Variants in CCDC42 observed in about 807,000 individuals in gnomAD.
The protein encoded by CCDC42 is coiled-coil domain containing 42, also known as coiled-coil domain-containing protein 42.
In CCDC42, 38 loss-of-function variants were observed where a neutral mutation model predicts 40.8. The ratio of observed to expected loss-of-function variants is 0.93; its 90% CI spans 0.72 to 1.22. The LOEUF (loss-of-function observed/expected upper bound fraction) is 1.22. Among genes scored for constraint, CCDC42 ranks in the 50% most tolerant of loss-of-function variants. The pLI, the probability that CCDC42 is intolerant of heterozygous loss-of-function variation, is 0.00. For synonymous variants in CCDC42, 135 were observed against 157.5 expected (o/e 0.86, Z 1.07); for missense variants, 379 against 416.5 (o/e 0.91, Z 0.78).
In CCDC42 at chr17:8,735,388, A is replaced by G; in HGVS notation, c.714+2T>C. Reference sequence around the variant, plus strand: ...GCCCCCGGCCCGCCCCGGGCCCCTCACCCAGAAGATGACATTGCTGCGGGC... The same window carrying G: ...GCCCCCGGCCCGCCCCGGGCCCCTCGCCCAGAAGATGACATTGCTGCGGGC... On this transcript the variant is annotated splice_donor_variant, in intron 5 of 6. Transcript: ENST00000293845. LOFTEE classifies it high-confidence loss of function. This position sits in a 1 kb window ranked among gnomAD's most constrained non-coding sequence, Gnocchi z 4.7. 1 of 1,613,696 alleles carries G rather than the reference A, an allele frequency of 6.2e-7. No homozygotes were observed. The highest frequency in any genetic ancestry group is 8.5e-7 in the Non-Finnish European group (1 of 1,179,974).
rs188163478 is a variant in CCDC42, at chr17:8,732,475, T to C, written c.874-2268A>G. ...CTGTCAGCTGCTGATACTGTTACCATTACCAATATCATTCCCATTTTGCAA... is the reference window on the plus strand; with the variant it reads ...CTGTCAGCTGCTGATACTGTTACCACTACCAATATCATTCCCATTTTGCAA... On this transcript the variant is annotated intron_variant, in intron 6 of 6. Transcript: ENST00000293845. 7.0e-4 allele frequency among the ~76,000 whole-genome samples: 107 copies of C among 152,288 alleles called. 1 individual carries two copies. Among genetic ancestry groups the C allele is most frequent in the African/African-American group, 2.4e-3 (99 of 41,558 alleles).
chr17:8,744,447 C>T lies in CCDC42; in HGVS notation c.83+80G>A, dbSNP rs1024217218. On this transcript the variant is annotated intron_variant, in intron 1 of 6. Coordinates refer to ENST00000293845, the MANE Select transcript of CCDC42 (RefSeq NM_144681.3). ...GGGTTACAGGAGAGGAGGGGACAGA[C>T]GGTTGGAAGATGAGGTATGGGGTGG... 48 of 1,172,714 alleles carry T rather than the reference C, an allele frequency of 4.1e-5. No homozygotes were observed. The African/African-American group carries it at 5.9e-4, about 14-fold the overall frequency. 72.6% of individuals were successfully genotyped at this position (1,172,714 alleles called of 1,614,324 possible).
chr17:8,744,057 C>A, intron 2 of CCDC42, 22 bp downstream of exon 2: 1 of 1,548,252 alleles, frequency 6.5e-7, no homozygotes, highest in South Asian at 1.1e-5. Flanking sequence ...TGCCCCTCTG[C>A]ACTCCATCCC....
chr17:8,737,211 C>G lies in CCDC42; in HGVS notation c.493-1600G>C, dbSNP rs1297588089. Among the ~76,000 whole-genome samples the G allele has an allele frequency of 2.0e-5, 3 of 152,168 alleles. No individual in the cohort carries two copies. The East Asian group carries it at 5.8e-4, about 29-fold the overall frequency. ...TGCATTTCTGAAAGTTCATCTGGCA[C>G]ACAGTGCAACAGTGTACCACAGTTC... is the stretch of plus-strand genomic sequence containing the variant. On this transcript the variant is annotated intron_variant, in intron 4 of 6. Transcript: ENST00000293845.
chr17:8,736,051 A>C (rs900370741), intron 4 of CCDC42, among the ~76,000 whole-genome samples: 1 of 152,214 alleles, frequency 6.6e-6, no homozygotes, highest in Non-Finnish European at 1.5e-5. Context: ...ATGTCTTCCA[A>C]GGCAAGAATT....
chr17:8,732,474 AT>A (rs1597343512), intron 6 of CCDC42, among the ~76,000 whole-genome samples: 1 of 152,320 alleles, frequency 6.6e-6, no homozygotes, highest in East Asian at 1.9e-4. Flanking sequence ...TACTGTTACC[AT>A]TACCAATATC....
rs142545837 is a variant in CCDC42, at chr17:8,739,164, G to A, written c.492+2310C>T. 3.7e-3 allele frequency among the ~76,000 whole-genome samples: 556 copies of A among 152,248 alleles called. 6 individuals carry two copies. The highest frequency in any genetic ancestry group is 0.013 in the African/African-American group (520 of 41,532). On this transcript the variant is annotated intron_variant, in intron 4 of 6. Transcript: ENST00000293845. ...GCTGAACAGGCTGGCCAGGAACGACGCCAGAGTTGAACTCCAGACGAGGTA... is the reference window on the plus strand; with the variant it reads ...GCTGAACAGGCTGGCCAGGAACGACACCAGAGTTGAACTCCAGACGAGGTA...
Position 8,735,114 on chromosome 17 carries a change from G to T in CCDC42, c.855C>A (p.Thr285=). 1.9e-6 allele frequency: 3 copies of T among 1,614,178 alleles called. No individual in the cohort carries two copies. Among genetic ancestry groups the T allele is most frequent in the Non-Finnish European group, 2.5e-6 (3 of 1,180,026 alleles). ...CTCCTACCATGTCCAGCTGCTTGTG[G>T]GTGTCCTCCAGTGCCACCTCAGTCA... is the stretch of plus-strand genomic sequence containing the variant. The part of the protein sequence containing the change: ...KEVTEVALED[T]HKQLDMIQQF... The change falls in exon 6 of 7, where the codon ACC becomes ACA. Residue 285 remains threonine (T), a synonymous_variant. Coordinates refer to ENST00000293845, the MANE Select transcript of CCDC42 (RefSeq NM_144681.3). This position sits in a 1 kb window ranked among gnomAD's most constrained non-coding sequence, Gnocchi z 4.7.
At chr17:8,743,457 G>C (rs2086657073) in intron 3 of CCDC42, among the ~76,000 whole-genome samples, 169 bp downstream of exon 3, 1 of 152,194 alleles carries the variant, frequency 6.6e-6, no homozygotes, top group African/African-American at 2.4e-5. Context: ...AACAGAGACA[G>C]GTGGGGGACA....
At position 8,735,003 on chromosome 17, in the gene CCDC42, C is replaced by G; in HGVS notation, c.873+93G>C. 3.6e-6 allele frequency: 5 copies of G among 1,391,688 alleles called. No homozygotes were observed. The highest frequency in any genetic ancestry group is 4.0e-6 in the Non-Finnish European group (4 of 1,000,222). The allele number at this position is 1,391,688 out of a possible 1,614,324, so 86.2% of individuals were successfully genotyped here. On this transcript the variant is annotated intron_variant, in intron 6 of 6. Transcript: ENST00000293845. The surrounding 1 kb of genome is among the most constrained non-coding windows in gnomAD (Gnocchi z 4.7). ...TTAAATTTTGAGAGTCCCTGCTCTGCTTCTCTGTCAGGTTCATTCTTCCAC... is the reference window on the plus strand; with the variant it reads ...TTAAATTTTGAGAGTCCCTGCTCTGGTTCTCTGTCAGGTTCATTCTTCCAC...
chr17:8,734,336 T>C (rs1568050543), intron 6 of CCDC42, among the ~76,000 whole-genome samples: 2 of 152,358 alleles, frequency 1.3e-5, no homozygotes, highest in East Asian at 1.9e-4. Context: ...AGGTGAAATG[T>C]TGAGAATTGC....
rs1329115944 is a variant in CCDC42 at position 8,744,637 on chromosome 17, G to A, written c.-28C>T. The A allele has an allele frequency of 2.1e-5, 33 of 1,550,646 alleles. No homozygotes were observed. The highest frequency in any genetic ancestry group is 2.9e-5 in the Non-Finnish European group (33 of 1,125,852). On this transcript the variant is annotated 5_prime_UTR_variant, in exon 1 of 7. Transcript: ENST00000293845. ...TGGCAGTGACCTCACGGCCCAGGCA[G>A]CTGACTCTTCACAGTGAAATTGTGG...
chr17:8,735,284 C>A lies in CCDC42; in HGVS notation c.715-30G>T. 1 of 1,613,782 alleles carries A rather than the reference C, an allele frequency of 6.2e-7. No homozygotes were observed. Among genetic ancestry groups the A allele is most frequent in the Non-Finnish European group, 8.5e-7 (1 of 1,179,808 alleles). ...AGAGTGGATAAGGACGGGGCATGAGCACAGCATGTGGTGTGTGTGTGTTTG... is the reference window on the plus strand; with the variant it reads ...AGAGTGGATAAGGACGGGGCATGAGAACAGCATGTGGTGTGTGTGTGTTTG... On this transcript the variant is annotated intron_variant, in intron 5 of 6. Coordinates refer to ENST00000293845, the MANE Select transcript of CCDC42 (RefSeq NM_144681.3). This position sits in a 1 kb window ranked among gnomAD's most constrained non-coding sequence, Gnocchi z 4.7.
Position 8,735,293 on chromosome 17 carries a change from T to C in CCDC42, c.715-39A>G. 2 of 1,613,026 alleles carry C rather than the reference T, an allele frequency of 1.2e-6. No homozygotes were observed. The highest frequency in any genetic ancestry group is 1.7e-6 in the Non-Finnish European group (2 of 1,179,272). On this transcript the variant is annotated intron_variant, in intron 5 of 6. Transcript: ENST00000293845. The surrounding 1 kb of genome is among the most constrained non-coding windows in gnomAD (Gnocchi z 4.7). Reference sequence around the variant, plus strand: ...AAGGACGGGGCATGAGCACAGCATGTGGTGTGTGTGTGTTTGTGTGTATGT... The same window carrying C: ...AAGGACGGGGCATGAGCACAGCATGCGGTGTGTGTGTGTTTGTGTGTATGT...
intron 4 of CCDC42, among the ~76,000 whole-genome samples, chr17:8,736,629 G>A (rs2086612917): frequency 6.6e-6 from 1 of 152,194 alleles, no homozygotes; most frequent in Admixed American, 6.5e-5. Flanking sequence ...GAACTGCCCT[G>A]CTGGCCTTTC....
chr17:8,732,334 T>G (rs2086586515), intron 6 of CCDC42, among the ~76,000 whole-genome samples: 1 of 132,672 alleles, frequency 7.5e-6, no homozygotes, highest in Non-Finnish European at 1.7e-5. Context: ...CCTGCTCGTG[T>G]ACTCCTGAAC....
chr17:8,733,026 A>G (rs1197416267), intron 6 of CCDC42, among the ~76,000 whole-genome samples: 1 of 152,160 alleles, frequency 6.6e-6, no homozygotes, highest in Non-Finnish European at 1.5e-5. Context: ...TACAGTGTCA[A>G]TGAAGCCTCA....
chr17:8,735,703 C>T lies in CCDC42; in HGVS notation c.493-92G>A, dbSNP rs1035844091. 288 of 1,028,750 alleles carry T rather than the reference C, an allele frequency of 2.8e-4. 1 individual carries two copies. The highest frequency in any genetic ancestry group is 7.8e-5 in the East Asian group (3 of 38,700). 63.7% of individuals were successfully genotyped at this position (1,028,750 alleles called of 1,614,324 possible). A position where few individuals can be genotyped will look rare whatever the true frequency, so the allele number is the denominator to read the frequency against. ...CCAACCTCCAGCCTGGATGCCTGGACACCTGGACACCTGGGCAGGCAGGCC... is the reference window on the plus strand; with the variant it reads ...CCAACCTCCAGCCTGGATGCCTGGATACCTGGACACCTGGGCAGGCAGGCC... On this transcript the variant is annotated intron_variant, in intron 4 of 6. Coordinates refer to ENST00000293845, the MANE Select transcript of CCDC42 (RefSeq NM_144681.3). This position sits in a 1 kb window ranked among gnomAD's most constrained non-coding sequence, Gnocchi z 4.7.
intron 6 of CCDC42, among the ~76,000 whole-genome samples, chr17:8,734,702 C>T (rs994174715): frequency 7.2e-5 from 11 of 152,102 alleles, no homozygotes; most frequent in African/African-American, 2.2e-4. Flanking sequence ...CTCAAGCCTT[C>T]AGCAAGCCAC....
Sources: gnomAD v4.1 joint callset for allele counts (sites outside exome capture counted in the v4.1 genomes callset) on GRCh38, gnomAD v4.1.1 for gene constraint, Gnocchi (gnomAD v3.1) non-coding constraint, MANE v1.5 for transcripts, NCBI Gene and HGNC (gene_info 2026-07-23, HGNC 2026-07-21) for gene names.